The following NFAT5 variants were observed in gnomAD, a reference collection of about 807,000 sequenced individuals.
The protein encoded by NFAT5 is nuclear factor of activated T cells 5.
In NFAT5, 31 loss-of-function variants were observed where a neutral mutation model predicts 166.5. That is an observed-to-expected ratio of 0.19 (90% CI 0.14 to 0.25). The LOEUF (loss-of-function observed/expected upper bound fraction) is 0.25. NFAT5 is among the 10% of genes least tolerant of loss of function. The probability of loss-of-function intolerance (pLI) is 1.00; values close to 1 mark genes in which losing one functional copy is unlikely to be tolerated. For missense variants in NFAT5, 1,449 were observed against 1,821.8 expected, an observed-to-expected ratio of 0.80 and a Z score of 3.72; for synonymous variants, 612 against 639.7, an observed-to-expected ratio of 0.96 and a Z score of 0.65.
intron 2 of NFAT5, among the ~76,000 whole-genome samples, chr16:69,572,191 A>G (rs2142900649): frequency 6.6e-6 from 1 of 152,308 alleles, no homozygotes; most frequent in East Asian, 1.9e-4. Flanking sequence ...TAATACGATG[A>G]TTGCCTGACA....
chr16:69,635,541 C>T (rs546493047), intron 3 of NFAT5, among the ~76,000 whole-genome samples: 30 of 151,996 alleles, frequency 2.0e-4, no homozygotes, highest in Non-Finnish European at 4.1e-4. Flanking sequence ...TTTCACACTG[C>T]TGATAAAGAC....
At position 69,693,742 on chromosome 16, in the gene NFAT5, A is replaced by G. The variant is rs190491342; in HGVS notation, c.3917A>G (p.Asn1306Ser). The change falls in exon 13 of 15, where the codon AAC (asparagine) becomes AGC (serine). Residue 1306 changes from asparagine to serine, a missense_variant. Transcript: ENST00000349945. ...GCGTCTCCAAAGCAACCACCACCAAACATGATATTCAACCCAAATCAAAAT... is the reference window on the plus strand; with the variant it reads ...GCGTCTCCAAAGCAACCACCACCAAGCATGATATTCAACCCAAATCAAAAT... Reference protein sequence around the residue: ...TMASPKQPPPNMIFNPNQNPM... With the variant: ...TMASPKQPPPSMIFNPNQNPM... 1.3e-4 allele frequency: 207 copies of G among 1,614,218 alleles called. No individual in the cohort carries two copies. Among genetic ancestry groups the G allele is most frequent in the Middle Eastern group, 3.3e-4 (2 of 6,062 alleles).
chr16:69,582,916 T>G (rs1239125959), intron 2 of NFAT5, among the ~76,000 whole-genome samples: 1 of 151,860 alleles, frequency 6.6e-6, no homozygotes, highest in Non-Finnish European at 1.5e-5. Flanking sequence ...CAGCTGTGAT[T>G]TTAGTAAGAA....
chr16:69,674,609 C>A (rs1345080751), intron 9 of NFAT5, among the ~76,000 whole-genome samples: 1 of 152,058 alleles, frequency 6.6e-6, no homozygotes, highest in African/African-American at 2.4e-5. Flanking sequence ...CTAGACTAAA[C>A]AAAGACTTGA....
chr16:69,652,129 A>G lies in NFAT5; in HGVS notation c.813-1107A>G, dbSNP rs191621343. The stretch of plus-strand genomic sequence containing the variant: ...AACATGCATTCCACATAGCAAATGC[A>G]TTATAAATAAATGTTAAAAAGCATA... On this transcript the variant is annotated intron_variant, in intron 4 of 14. Coordinates refer to ENST00000349945, the MANE Select transcript of NFAT5 (RefSeq NM_138713.4). 1.4e-4 allele frequency among the ~76,000 whole-genome samples: 21 copies of G among 152,338 alleles called. No individual in the cohort carries two copies. The East Asian group carries it at 3.3e-3, about 24-fold the overall frequency.
chr16:69,620,700 A>AAG (rs888023026), intron 2 of NFAT5, among the ~76,000 whole-genome samples: 1 of 152,092 alleles, frequency 6.6e-6, no homozygotes, highest in African/African-American at 2.4e-5. Context: ...TAGATTAAAA[A>AAG]AGAGAGAGAG....
In NFAT5 at chr16:69,647,317, G is replaced by C. The variant is rs56393495; in HGVS notation, c.543G>C (p.Gly181=). The C allele has an allele frequency of 1.2e-6, 2 of 1,614,218 alleles. No individual in the cohort carries two copies. The highest frequency in any genetic ancestry group is 1.1e-5 in the South Asian group (1 of 91,086). ...DNSRMSCQDE[G]CGLESEQSCS... ...GTCGGATGTCCTGCCAGGATGAGGG[G>C]TGTGGATTGGAATCTGAGCAGAGCT... is the stretch of plus-strand genomic sequence containing the variant. Residue 181 remains glycine (G), a synonymous_variant, in exon 4 of 15, where the codon GGG becomes GGC. Coordinates refer to ENST00000349945, the MANE Select transcript of NFAT5 (RefSeq NM_138713.4). This position sits in a 1 kb window ranked among gnomAD's most constrained non-coding sequence, Gnocchi z 4.8.
chr16:69,599,447 C>T (rs112286368), intron 2 of NFAT5, among the ~76,000 whole-genome samples: 6 of 152,194 alleles, frequency 3.9e-5, no homozygotes, highest in African/African-American at 7.2e-5. Context: ...CATGGTGGCG[C>T]GTGCCTGTAA....
intron 2 of NFAT5, among the ~76,000 whole-genome samples, chr16:69,597,623 G>A (rs1265123236): frequency 2.0e-5 from 3 of 149,208 alleles, no homozygotes; most frequent in Admixed American, 6.7e-5. Context: ...ACAGAGTCTC[G>A]TTCTGTCACC....
chr16:69,685,191 T>TA (rs1491419846), intron 11 of NFAT5: 2,829 of 72,140 alleles, frequency 0.039, 28 homozygotes, highest in East Asian at 0.069. Context: ...TATATATATA[T>TA]TTTTTTTTTT....
chr16:69,591,497 T>C (rs2032457605), intron 2 of NFAT5, among the ~76,000 whole-genome samples: 1 of 152,222 alleles, frequency 6.6e-6, no homozygotes, highest in African/African-American at 2.4e-5. Flanking sequence ...TTTTAAACTT[T>C]GCTAGTTTTA....
Position 69,693,775 on chromosome 16 carries a change from C to T in NFAT5, c.3950C>T (p.Ala1317Val). 1 of 1,614,206 alleles carries T rather than the reference C, an allele frequency of 6.2e-7. No homozygotes were observed. Among genetic ancestry groups the T allele is most frequent in the Non-Finnish European group, 8.5e-7 (1 of 1,180,022 alleles). Residue 1317 changes from alanine (A) to valine (V), a missense_variant, in exon 13 of 15, where the codon GCT becomes GTT. Ala to Val is a moderately conservative substitution (Grantham distance 64). Around this residue, in one of 7 missense-constraint regions of NFAT5, gnomAD observed 891 missense variants for 993.0 expected, o/e 0.90. Coordinates refer to ENST00000349945, the MANE Select transcript of NFAT5 (RefSeq NM_138713.4). ...TTCAACCCAAATCAAAATCCAATGG[C>T]TAATCAGGAGCAACAGAACCAGTCA... Reference protein sequence around the residue: ...MIFNPNQNPMANQEQQNQSIF... With the variant: ...MIFNPNQNPMVNQEQQNQSIF...
intron 11 of NFAT5, among the ~76,000 whole-genome samples, chr16:69,688,202 CAAAAAAAAAAAAA>C (rs1188158260): frequency 6.1e-5 from 3 of 49,514 alleles, no homozygotes; most frequent in Admixed American, 4.5e-4. Flanking sequence ...GACTCCGTCT[CAAAAAAAAAAAAA>C]AAAAAAAAAA....
intron 2 of NFAT5, among the ~76,000 whole-genome samples, chr16:69,583,312 G>A (rs1457307976): frequency 6.6e-6 from 1 of 151,700 alleles, no homozygotes; most frequent in Non-Finnish European, 1.5e-5. Flanking sequence ...CAATCCTCCT[G>A]CCTCAGCCTC....
chr16:69,690,356 G>T (rs1165388216), intron 11 of NFAT5, among the ~76,000 whole-genome samples: 4 of 151,884 alleles, frequency 2.6e-5, no homozygotes, highest in Non-Finnish European at 5.9e-5. Context: ...GTCTAAAAGA[G>T]AATTGTGTCC....
chr16:69,635,521 A>G (rs764446397), intron 3 of NFAT5, among the ~76,000 whole-genome samples: 3 of 152,084 alleles, frequency 2.0e-5, no homozygotes, highest in Non-Finnish European at 4.4e-5. Context: ...GGGAATCTGC[A>G]TTGGTCTGTT....
chr16:69,625,939 TAATAA>T (rs1374844674), intron 2 of NFAT5, among the ~76,000 whole-genome samples: 3 of 150,640 alleles, frequency 2.0e-5, no homozygotes, highest in Non-Finnish European at 4.4e-5. Flanking sequence ...TAAGATTATA[TAATAA>T]AATAAAAAAT....
At chr16:69,641,953 G>A (rs1176006874) in intron 3 of NFAT5, among the ~76,000 whole-genome samples, 1 of 151,720 alleles carries the variant, frequency 6.6e-6, no homozygotes, top group African/African-American at 2.4e-5. Context: ...ACAAAAATTA[G>A]CCAGGTATGG....
At chr16:69,643,235 AGAATATAT>A (rs1404542860) in intron 3 of NFAT5, among the ~76,000 whole-genome samples, 2 of 150,786 alleles carry the variant, frequency 1.3e-5, no homozygotes, top group African/African-American at 4.9e-5. Flanking sequence ...AAAAAAAAAA[AGAATATAT>A]AGACGGGTCA....
Sources: gnomAD v4.1 joint callset for allele counts (sites outside exome capture counted in the v4.1 genomes callset) on GRCh38, gnomAD v4.1.1 for gene constraint, gnomAD v4.1.1 regional missense constraint, Gnocchi (gnomAD v3.1) non-coding constraint, MANE v1.5 for transcripts, NCBI Gene and HGNC (gene_info 2026-07-23, HGNC 2026-07-21) for gene names.